NSUN3: variants seen among roughly 807,000 people sequenced by gnomAD.
NSUN3 encodes NOP2/Sun RNA methyltransferase 3, also known as tRNA (cytosine(34)-C(5))-methyltransferase, mitochondrial.
Under a neutral mutation model 36.8 loss-of-function variants are expected in NSUN3, and 24 were observed. The ratio of observed to expected loss-of-function variants is 0.65; its 90% CI spans 0.47 to 0.92. NSUN3 has a LOEUF of 0.92. Among genes scored for constraint, NSUN3 ranks in the 40% least tolerant of loss-of-function variants. The pLI is 0.00. For synonymous variants in NSUN3, 146 were observed against 145.2 expected, an observed-to-expected ratio of 1.01 and a Z score of -0.04; for missense variants, 381 against 392.8, an observed-to-expected ratio of 0.97 and a Z score of 0.25.
intron 5 of NSUN3, among the ~76,000 whole-genome samples, chr3:94,114,644 A>G (rs6778072): frequency 0.12 from 18,750 of 152,202 alleles, 1,923 homozygotes; most frequent in African/African-American, 0.26. Flanking sequence ...ATTCGGGGGT[A>G]CATGTGCAGG....
intron 2 of NSUN3, chr3:94,076,230 C>A: frequency 1.1e-6 from 1 of 920,552 alleles, no homozygotes; most frequent in Non-Finnish European, 1.8e-6. Context: ...TGGAATATTT[C>A]ATCCATGTGA....
At chr3:94,068,376 C>G (rs1423920691) in intron 2 of NSUN3, among the ~76,000 whole-genome samples, 1 of 152,126 alleles carries the variant, frequency 6.6e-6, no homozygotes, top group Non-Finnish European at 1.5e-5. Flanking sequence ...TATTGTGATT[C>G]TTTCAAGGTT....
intron 5 of NSUN3, among the ~76,000 whole-genome samples, chr3:94,111,437 T>A (rs1560040212): frequency 6.6e-6 from 1 of 152,140 alleles, no homozygotes; most frequent in Non-Finnish European, 1.5e-5. Flanking sequence ...TTACTGTAAC[T>A]TTTTTACTTT....
chr3:94,089,018 C>T (rs1560033559), intron 3 of NSUN3, among the ~76,000 whole-genome samples: 1 of 152,152 alleles, frequency 6.6e-6, no homozygotes, highest in Non-Finnish European at 1.5e-5. Context: ...TGGCCTAGTC[C>T]ATAACAAGTC....
intron 5 of NSUN3, among the ~76,000 whole-genome samples, chr3:94,100,278 G>A (rs371651494): frequency 1.2e-4 from 18 of 152,276 alleles, no homozygotes; most frequent in Non-Finnish European, 2.4e-4. Context: ...CTTTATACAC[G>A]TGAGAACTTA....
At chr3:94,117,069 G>A (rs1407382127) in intron 5 of NSUN3, among the ~76,000 whole-genome samples, 1 of 142,226 alleles carries the variant, frequency 7.0e-6, no homozygotes, top group African/African-American at 2.6e-5. Flanking sequence ...TATGATCTCG[G>A]CTCACTGCAA....
At chr3:94,098,828 G>T (rs763100989) in intron 5 of NSUN3, among the ~76,000 whole-genome samples, 3 of 152,108 alleles carry the variant, frequency 2.0e-5, no homozygotes, top group Non-Finnish European at 4.4e-5. Context: ...AGCCTTGCCT[G>T]ACTTCCTAGG....
chr3:94,087,501 G>A (rs2077296798), intron 3 of NSUN3, among the ~76,000 whole-genome samples: 1 of 152,174 alleles, frequency 6.6e-6, no homozygotes, highest in African/African-American at 2.4e-5. Flanking sequence ...TGTCAACATA[G>A]CCTTTTTAAT....
At chr3:94,107,794 T>C (rs1298162901) in intron 5 of NSUN3, among the ~76,000 whole-genome samples, 2 of 152,086 alleles carry the variant, frequency 1.3e-5, no homozygotes, top group Non-Finnish European at 2.9e-5. Flanking sequence ...CAAGTTTACT[T>C]TAAAAAGGTT....
chr3:94,105,015 A>G (rs1271063888), intron 5 of NSUN3, among the ~76,000 whole-genome samples: 1 of 152,232 alleles, frequency 6.6e-6, no homozygotes, highest in Non-Finnish European at 1.5e-5. Context: ...AACTGAGCCA[A>G]TAAGTATAAT....
intron 3 of NSUN3, among the ~76,000 whole-genome samples, chr3:94,092,305 G>T (rs1560034608): frequency 6.6e-6 from 1 of 152,326 alleles, no homozygotes; most frequent in East Asian, 1.9e-4. Flanking sequence ...GCTCTAGGCA[G>T]CTTGATTACA....
intron 5 of NSUN3, among the ~76,000 whole-genome samples, chr3:94,099,949 A>G (rs1268922069): frequency 1.3e-5 from 2 of 152,182 alleles, no homozygotes; most frequent in Admixed American, 6.5e-5. Flanking sequence ...ACAAAAGGCA[A>G]TCCTTTTATT....
chr3:94,105,197 G>T (rs1423025167), intron 5 of NSUN3, among the ~76,000 whole-genome samples: 1 of 152,098 alleles, frequency 6.6e-6, no homozygotes, highest in African/African-American at 2.4e-5. Flanking sequence ...GTTATCTCTT[G>T]GTGCTCTGTG....
At chr3:94,108,810 C>T (rs1420185911) in intron 5 of NSUN3, among the ~76,000 whole-genome samples, 8 of 152,154 alleles carry the variant, frequency 5.3e-5, no homozygotes, top group Admixed American at 3.9e-4. Context: ...AGATTATAGG[C>T]ACCCACCACA....
chr3:94,114,035 G>C (rs1384226310), intron 5 of NSUN3, among the ~76,000 whole-genome samples: 1 of 152,080 alleles, frequency 6.6e-6, no homozygotes, highest in African/African-American at 2.4e-5. Context: ...CTCTATAAAA[G>C]GACTGCTAGG....
intron 4 of NSUN3, among the ~76,000 whole-genome samples, chr3:94,094,559 T>G (rs2077329681): frequency 6.6e-6 from 1 of 152,194 alleles, no homozygotes; most frequent in African/African-American, 2.4e-5. Context: ...AGATCGGATA[T>G]TATTTGGGTC....
chr3:94,063,276 T>C, intron 1 of NSUN3, 138 bp downstream of exon 1: 1 of 895,026 alleles, frequency 1.1e-6, no homozygotes, highest in Non-Finnish European at 1.9e-6. Flanking sequence ...TTCTTTGGCT[T>C]TACTGTCAAG....
At chr3:94,083,223 A>T (rs890827407) in intron 2 of NSUN3, among the ~76,000 whole-genome samples, 4 of 152,066 alleles carry the variant, frequency 2.6e-5, no homozygotes, top group African/African-American at 9.7e-5. Flanking sequence ...CATAATGTTA[A>T]CAGTAGAGGG....
intron 5 of NSUN3, among the ~76,000 whole-genome samples, chr3:94,095,838 C>T (rs1560035902): frequency 1.3e-5 from 2 of 152,088 alleles, no homozygotes; most frequent in African/African-American, 4.8e-5. Flanking sequence ...CGTCCACCTC[C>T]CAAGTTCAAG....
Sources: gnomAD v4.1 joint callset for allele counts (sites outside exome capture counted in the v4.1 genomes callset) on GRCh38, gnomAD v4.1.1 for gene constraint, MANE v1.5 for transcripts, NCBI Gene and HGNC (gene_info 2026-07-23, HGNC 2026-07-21) for gene names.